Variants in KCNN3 observed in about 807,000 individuals in gnomAD.
KCNN3 encodes the protein potassium calcium-activated channel subfamily N member 3, also known as small conductance calcium-activated potassium channel protein 3.
In KCNN3, 16 loss-of-function variants were observed where a neutral mutation model predicts 62.9. That is an observed-to-expected ratio of 0.25 (90% CI 0.17 to 0.39). The LOEUF is 0.39. Ranked by LOEUF, KCNN3 falls within the 10% of genes least tolerant of loss-of-function variation. The pLI is 1.00. For synonymous variants in KCNN3, 370 were observed against 389.2 expected, an observed-to-expected ratio of 0.95 and a Z score of 0.58; for missense variants, 599 against 949.4, an observed-to-expected ratio of 0.63 and a Z score of 4.85.
intron 7 of KCNN3, among the ~76,000 whole-genome samples, chr1:154,711,462 G>T: frequency 6.6e-6 from 1 of 150,972 alleles, no homozygotes; most frequent in South Asian, 2.1e-4. Context: ...CCTGCACATT[G>T]TGCACATGTA....
intron 1 of KCNN3, among the ~76,000 whole-genome samples, chr1:154,841,168 T>G (rs1237976562): frequency 1.3e-5 from 2 of 152,192 alleles, no homozygotes; most frequent in Non-Finnish European, 2.9e-5. Flanking sequence ...AGGTCAGCAC[T>G]CTGGCAAACC....
In KCNN3 at chr1:154,869,996, A is replaced by G. The variant is rs1161473931; in HGVS notation, c.-32T>C. 2 of 1,603,142 alleles carry G rather than the reference A, an allele frequency of 1.2e-6. No individual in the cohort carries two copies. The highest frequency in any genetic ancestry group is 4.5e-5 in the East Asian group (2 of 44,608). On this transcript the variant is annotated 5_prime_UTR_variant, in exon 1 of 8. Coordinates refer to ENST00000271915, the MANE Select transcript of KCNN3 (RefSeq NM_002249.6). This position sits in a 1 kb window ranked among gnomAD's most constrained non-coding sequence, Gnocchi z 6.1. ...GCCTGGCTGTATTCCCTGCAGCACA[A>G]GCCCCCACCCCAAAGCCACCCTCGC...
intron 3 of KCNN3, among the ~76,000 whole-genome samples, chr1:154,746,517 C>G (rs1053476187): frequency 6.6e-6 from 1 of 152,112 alleles, no homozygotes. Context: ...CCAAACCCCT[C>G]CATCTTCTTC....
intron 5 of KCNN3, among the ~76,000 whole-genome samples, chr1:154,717,686 T>C (rs986115192): frequency 5.3e-5 from 8 of 152,144 alleles, no homozygotes; most frequent in African/African-American, 1.9e-4. Context: ...AGAGAGGCAG[T>C]CACATCATCT....
At chr1:154,761,792 T>G (rs1648027394) in intron 3 of KCNN3, among the ~76,000 whole-genome samples, 1 of 152,030 alleles carries the variant, frequency 6.6e-6, no homozygotes, top group East Asian at 1.9e-4. Context: ...TACAAAAACT[T>G]AGCCAGGCGT....
In KCNN3 at chr1:154,704,728, A is replaced by ACAGTATTGG. The variant is rs1699931435; in HGVS notation, c.*3239_*3247dup. 6.6e-6 allele frequency: 1 copy of ACAGTATTGG among 151,988 alleles called. No individual in the cohort carries two copies. The highest frequency in any genetic ancestry group is 6.6e-5 in the Admixed American group (1 of 15,246). 9.4% of individuals were successfully genotyped at this position (151,988 alleles called of 1,614,324 possible). On this transcript the variant is annotated 3_prime_UTR_variant, in exon 8 of 8. Coordinates refer to ENST00000271915, the MANE Select transcript of KCNN3 (RefSeq NM_002249.6). ...TAGGAGTGGGCAGATCTTGATCAGT[A>ACAGTATTGG]CAGTATTGGAGTGAGGTTACATAAT...
chr1:154,794,472 T>C (rs1240218886), intron 2 of KCNN3, among the ~76,000 whole-genome samples: 2 of 152,220 alleles, frequency 1.3e-5, no homozygotes, highest in African/African-American at 2.4e-5. Flanking sequence ...AAGATCAGTC[T>C]TGCTTGTGAA....
At chr1:154,861,275 C>A (rs1407656443) in intron 1 of KCNN3, among the ~76,000 whole-genome samples, 3 of 152,062 alleles carry the variant, frequency 2.0e-5, no homozygotes, top group African/African-American at 4.8e-5. Context: ...AACTACCAAG[C>A]CTGGCCACCT....
At chr1:154,715,577 TTCTTTCTTTCTC>T (rs1700217405) in intron 5 of KCNN3, among the ~76,000 whole-genome samples, 1 of 152,176 alleles carries the variant, frequency 6.6e-6, no homozygotes, top group Admixed American at 6.5e-5. Context: ...TTCTTTCTTT[TTCTTTCTTTCTC>T]TCTTTCTTTC....
At chr1:154,711,354 GA>G (rs1454621340) in intron 7 of KCNN3, among the ~76,000 whole-genome samples, 1 of 97,204 alleles carries the variant, frequency 1.0e-5, no homozygotes, top group African/African-American at 4.1e-5. Flanking sequence ...GGGGTGGGGG[GA>G]GGGGGGAGGG....
intron 3 of KCNN3, among the ~76,000 whole-genome samples, chr1:154,770,486 G>A (rs558496381): frequency 6.6e-6 from 1 of 152,220 alleles, no homozygotes; most frequent in Non-Finnish European, 1.5e-5. Flanking sequence ...CTGGTGCATG[G>A]AAGATTTGGC....
chr1:154,869,017 A>T lies in KCNN3; in HGVS notation c.933+15T>A. On this transcript the variant is annotated intron_variant, in intron 1 of 7. Transcript: ENST00000271915. This position sits in a 1 kb window ranked among gnomAD's most constrained non-coding sequence, Gnocchi z 6.1. Reference sequence around the variant, plus strand: ...TCCTTTTGTTCAAGGTATAAAGAGAAACCACAGCCCCTACCTTTGAGTACA... The same window carrying T: ...TCCTTTTGTTCAAGGTATAAAGAGATACCACAGCCCCTACCTTTGAGTACA... 1 of 1,613,656 alleles carries T rather than the reference A, an allele frequency of 6.2e-7. No homozygotes were observed. The highest frequency in any genetic ancestry group is 8.5e-7 in the Non-Finnish European group (1 of 1,179,724).
chr1:154,791,713 C>T (rs1268689943), intron 2 of KCNN3, among the ~76,000 whole-genome samples: 3 of 152,182 alleles, frequency 2.0e-5, no homozygotes, highest in Non-Finnish European at 4.4e-5. Flanking sequence ...TGACTCTGTG[C>T]CTCTTCCACA....
chr1:154,852,295 C>G (rs1652334939), intron 1 of KCNN3, among the ~76,000 whole-genome samples: 1 of 151,960 alleles, frequency 6.6e-6, no homozygotes, highest in Non-Finnish European at 1.5e-5. Flanking sequence ...TCACCACAGC[C>G]TCAACAGCAA....
intron 2 of KCNN3, among the ~76,000 whole-genome samples, chr1:154,806,505 G>A (rs1017906160): frequency 2.6e-5 from 4 of 152,334 alleles, no homozygotes; most frequent in Non-Finnish European, 4.4e-5. Flanking sequence ...TGATTTGCCC[G>A]AGGTCACCCA....
intron 1 of KCNN3, among the ~76,000 whole-genome samples, chr1:154,828,578 T>A (rs1651243238): frequency 6.6e-6 from 1 of 152,222 alleles, no homozygotes; most frequent in African/African-American, 2.4e-5. Context: ...TGCTACTAAC[T>A]AGCTGTGTGA....
chr1:154,766,585 G>T (rs1455424630), intron 3 of KCNN3, among the ~76,000 whole-genome samples: 2 of 149,664 alleles, frequency 1.3e-5, no homozygotes, highest in Admixed American at 6.6e-5. Context: ...GCTCAGTTCT[G>T]CTCAGCCTAC....
intron 1 of KCNN3, among the ~76,000 whole-genome samples, chr1:154,853,609 A>T (rs1223451174): frequency 6.6e-6 from 1 of 152,218 alleles, no homozygotes; most frequent in East Asian, 1.9e-4. Flanking sequence ...CTAGAATTAC[A>T]GGCATTAGCC....
intron 3 of KCNN3, among the ~76,000 whole-genome samples, chr1:154,739,720 G>A (rs1700789410): frequency 6.6e-6 from 1 of 152,240 alleles, no homozygotes; most frequent in Non-Finnish European, 1.5e-5. Context: ...TAAGATCATG[G>A]CTTCTGTCTT....
Sources: allele counts gnomAD v4.1 joint callset (sites outside exome capture counted in the v4.1 genomes callset), GRCh38; gene constraint gnomAD v4.1.1; non-coding constraint Gnocchi (gnomAD v3.1); transcripts MANE v1.5; gene names NCBI Gene and HGNC (gene_info 2026-07-23, HGNC 2026-07-21).